SAMMSON: variants seen among roughly 807,000 people sequenced by gnomAD.
The protein encoded by SAMMSON is long intergenic non-protein coding RNA 1212.
chr3:70,305,209 T>C (rs1482742143), intron 7 of SAMMSON, among the ~76,000 whole-genome samples: 1 of 152,214 alleles, frequency 6.6e-6, no homozygotes, highest in Non-Finnish European at 1.5e-5. Context: ...TACAAGGGCA[T>C]ATTTTCACAT....
At chr3:70,064,295 C>T (rs1003349094) in intron 3 of SAMMSON, among the ~76,000 whole-genome samples, 2 of 152,136 alleles carry the variant, frequency 1.3e-5, no homozygotes, top group East Asian at 1.9e-4. Context: ...ATACCAAGTA[C>T]GTACTAATTT....
chr3:70,169,990 A>C (rs2067655302), intron 4 of SAMMSON, among the ~76,000 whole-genome samples: 1 of 151,958 alleles, frequency 6.6e-6, no homozygotes, highest in East Asian at 1.9e-4. Flanking sequence ...GTCTAGTTGT[A>C]GTTCATCAAA....
At chr3:70,390,058 C>T (rs894919351), downstream of SAMMSON, among the ~76,000 whole-genome samples, 6 of 151,996 alleles carry the variant, frequency 3.9e-5, no homozygotes, top group Non-Finnish European at 8.8e-5. Flanking sequence ...CTGTAATACA[C>T]TTCTGAACCT....
intron 4 of SAMMSON, among the ~76,000 whole-genome samples, chr3:70,148,803 C>A (rs1037339922): frequency 2.6e-5 from 4 of 152,090 alleles, no homozygotes; most frequent in South Asian, 2.1e-4. Flanking sequence ...TAAGCCCCAC[C>A]TCCAACACTG....
intron 2 of SAMMSON, among the ~76,000 whole-genome samples, chr3:70,433,432 T>C (rs1410486168): frequency 1.3e-5 from 2 of 152,162 alleles, no homozygotes; most frequent in African/African-American, 4.8e-5. Context: ...TTTCATATGC[T>C]TTTTTGCTAT....
intron 4 of SAMMSON, among the ~76,000 whole-genome samples, chr3:70,176,977 A>G (rs777135894): frequency 3.9e-5 from 6 of 152,176 alleles, no homozygotes; most frequent in Non-Finnish European, 7.3e-5. Flanking sequence ...TTAAAGGTCT[A>G]TGAGATGTTT....
chr3:70,371,758 A>T (rs576538255), intron 9 of SAMMSON, among the ~76,000 whole-genome samples: 1 of 152,096 alleles, frequency 6.6e-6, no homozygotes, highest in Non-Finnish European at 1.5e-5. Flanking sequence ...TTTTCTACAT[A>T]TAAGTTCATG....
Position 70,018,585 on chromosome 3 carries a change from G to T in SAMMSON, n.417+4913G>T, listed in dbSNP as rs567322555. Among the ~76,000 whole-genome samples the T allele has an allele frequency of 3.2e-3, 492 of 152,186 alleles. 5 individuals are homozygous for T. The highest frequency in any genetic ancestry group is 0.011 in the African/African-American group (475 of 41,528). ...GTTTTTTGTGTCTCTATTCCCTTCA[G>T]TTCTGCTCTGGTTTTAGTTATTTCT... On this transcript the variant is annotated intron_variant and non_coding_transcript_variant, in intron 3 of 9. Coordinates refer to ENST00000642114, the Ensembl canonical transcript of SAMMSON.
chr3:70,272,152 T>G (rs950147878), intron 6 of SAMMSON: 1 of 152,192 alleles, frequency 6.6e-6, no homozygotes, highest in African/African-American at 2.4e-5. Context: ...CCGAAGTATA[T>G]GTAATGTACA....
Position 70,028,186 on chromosome 3 carries a change from C to CCTTTCTTT in SAMMSON, n.417+14525_417+14532dup, listed in dbSNP as rs1467823828. Reference sequence around the variant, plus strand: ...TCCTTCCTTCCTTCCTTCCTTCCTTCCTTTCTTTCTTTCTTTCTCTCTTTC... The same window carrying CCTTTCTTT: ...TCCTTCCTTCCTTCCTTCCTTCCTTCCTTTCTTTCTTTCTTTCTTTCTTTCTCTCTTTC... On this transcript the variant is annotated intron_variant and non_coding_transcript_variant, in intron 3 of 9. Transcript: ENST00000642114. Among the ~76,000 whole-genome samples, 333 of 103,914 alleles carry CCTTTCTTT rather than the reference C, an allele frequency of 3.2e-3. 3 individuals are homozygous for CCTTTCTTT. Among genetic ancestry groups the CCTTTCTTT allele is most frequent in the African/African-American group, 9.6e-3 (292 of 30,354 alleles). 68.2% of individuals were successfully genotyped at this position (103,914 alleles called of 152,430 possible). A position where few individuals can be genotyped will look rare whatever the true frequency, so the allele number is the denominator to read the frequency against.
chr3:70,184,417 A>C (rs888526542), intron 4 of SAMMSON, among the ~76,000 whole-genome samples: 2 of 152,212 alleles, frequency 1.3e-5, no homozygotes, highest in African/African-American at 2.4e-5. Flanking sequence ...CTGTGCTTCC[A>C]AACAACCTTC....
intron 7 of SAMMSON, among the ~76,000 whole-genome samples, chr3:70,336,653 C>A (rs1702662512): frequency 6.6e-6 from 1 of 151,908 alleles, no homozygotes; most frequent in African/African-American, 2.4e-5. Context: ...TAAACCACAG[C>A]AGTTTGATGT....
intron 9 of SAMMSON, among the ~76,000 whole-genome samples, chr3:70,369,756 A>G (rs1050912307): frequency 5.3e-5 from 8 of 151,758 alleles, no homozygotes; most frequent in African/African-American, 1.9e-4. Flanking sequence ...TGTATAACAA[A>G]CCAGTCAGGG....
chr3:70,014,023 A>G (rs2107578074), intron 3 of SAMMSON: 1 of 152,312 alleles, frequency 6.6e-6, no homozygotes, highest in African/African-American at 2.4e-5. Flanking sequence ...GTAGCGTTTG[A>G]ACATTGTTAC....
intron 4 of SAMMSON, among the ~76,000 whole-genome samples, chr3:70,246,941 A>G (rs1308495015): frequency 2.0e-5 from 3 of 152,074 alleles, no homozygotes; most frequent in Non-Finnish European, 1.5e-5. Flanking sequence ...ATTCGTAATT[A>G]TAGGTTCTGG....
chr3:70,115,242 A>C (rs911851699), intron 4 of SAMMSON, among the ~76,000 whole-genome samples: 2 of 151,518 alleles, frequency 1.3e-5, no homozygotes, highest in African/African-American at 4.8e-5. Flanking sequence ...AAAGAAAAAA[A>C]GCAGAAGACT....
At chr3:70,053,060 T>A (rs976015705) in intron 3 of SAMMSON, among the ~76,000 whole-genome samples, 1 of 152,152 alleles carries the variant, frequency 6.6e-6, no homozygotes, top group Non-Finnish European at 1.5e-5. Context: ...GTGCTGTCAC[T>A]CATGGTCCTT....
chr3:70,423,924 T>A (rs1701333300), intron 2 of SAMMSON, among the ~76,000 whole-genome samples: 1 of 152,204 alleles, frequency 6.6e-6, no homozygotes, highest in African/African-American at 2.4e-5. Flanking sequence ...AGCAGATCTT[T>A]CTGGTCTGGA....
At chr3:70,371,407 A>G (rs1304028563) in intron 9 of SAMMSON, among the ~76,000 whole-genome samples, 2 of 151,926 alleles carry the variant, frequency 1.3e-5, no homozygotes, top group East Asian at 1.9e-4. Flanking sequence ...TTTGGGTTGT[A>G]TGATCATTAT....
Sources: gnomAD v4.1 joint callset for allele counts (sites outside exome capture counted in the v4.1 genomes callset) on GRCh38, gnomAD v4.1.1 for gene constraint, MANE v1.5 for transcripts, NCBI Gene and HGNC (gene_info 2026-07-23, HGNC 2026-07-21) for gene names.